Variants in TRMU observed in about 807,000 individuals in gnomAD.
TRMU encodes mitochondrial tRNA-specific 2-thiouridylase 1.
Under a neutral mutation model 46.9 loss-of-function variants are expected in TRMU, and 49 were observed. That is an observed-to-expected ratio of 1.05 (90% confidence interval 0.83 to 1.33). The LOEUF is 1.33. Among genes scored for constraint, TRMU ranks in the 40% most tolerant of loss-of-function variants. TRMU has a pLI of 0.00. For missense variants in TRMU, 572 were observed against 532.4 expected, an observed-to-expected ratio of 1.07 and a Z score of -0.73; for synonymous variants, 241 against 200.9, an observed-to-expected ratio of 1.20 and a Z score of -1.69.
intron 3 of TRMU, among the ~76,000 whole-genome samples, chr22:46,345,671 C>T (rs915813912): frequency 9.9e-5 from 15 of 152,118 alleles, no homozygotes; most frequent in Admixed American, 1.3e-4. Flanking sequence ...GGCATTTTCC[C>T]GTGTTAGTAA....
intron 3 of TRMU, among the ~76,000 whole-genome samples, chr22:46,345,775 T>C (rs1031422274): frequency 1.3e-5 from 2 of 151,696 alleles, no homozygotes; most frequent in Non-Finnish European, 2.9e-5. Flanking sequence ...TTTTTTTTTT[T>C]TTTTCCTCCT....
chr22:46,352,134 G>GT lies in TRMU; in HGVS notation c.668dup (p.Ile224HisfsTer7). ...TTCTCATTTCAGAGCATGGGCATGT[G>GT]TTTCATCGGGAAGAGGAATTTTGAA... On this transcript the variant is annotated frameshift_variant, in exon 6 of 11. Transcript: ENST00000645190. LOFTEE classifies it high-confidence loss of function. 1 of 1,613,654 alleles carries GT rather than the reference G, an allele frequency of 6.2e-7. No individual in the cohort carries two copies. The highest frequency in any genetic ancestry group is 8.5e-7 in the Non-Finnish European group (1 of 1,180,034).
rs999504204 is a variant in TRMU at position 46,351,273 on chromosome 22, C to T, written c.651+810C>T. Among the ~76,000 whole-genome samples, 6 of 152,156 alleles carry T rather than the reference C, an allele frequency of 3.9e-5. No homozygotes were observed. The highest frequency in any genetic ancestry group is 1.2e-4 in the African/African-American group (5 of 41,420). On this transcript the variant is annotated intron_variant, in intron 5 of 10. Coordinates refer to ENST00000645190, the MANE Select transcript of TRMU (RefSeq NM_018006.5). This position sits in a 1 kb window ranked among gnomAD's most constrained non-coding sequence, Gnocchi z 6.4. Reference sequence around the variant, plus strand: ...GCCCCAGCTCCTCAGGAGGATCGAGCGCACCCAGGAGTTTGAGGACAGCCT... The same window carrying T: ...GCCCCAGCTCCTCAGGAGGATCGAGTGCACCCAGGAGTTTGAGGACAGCCT...
intron 8 of TRMU, chr22:46,355,002 G>T: frequency 4.2e-6 from 1 of 235,350 alleles, no homozygotes; most frequent in Non-Finnish European, 8.5e-6. Flanking sequence ...TTTCTCCTCA[G>T]CCATTTGGTG....
intron 7 of TRMU, chr22:46,353,408 C>T (rs967619872): frequency 3.2e-5 from 11 of 341,306 alleles, no homozygotes; most frequent in Admixed American, 1.2e-4. Context: ...ACTGTGAAGA[C>T]GTGCAGCTAT....
In TRMU at chr22:46,335,778, G is replaced by A. The variant is rs568649964; in HGVS notation, c.14G>A (p.Arg5Gln). 1 of 1,554,142 alleles carries A rather than the reference G, an allele frequency of 6.4e-7. No homozygotes were observed. ...GGCGACTGGCGGATGCAGGCCTTGC[G>A]GCACGTCGTGTGCGCCCTGTCCGGC... MQALRHVVCALSGGV... is the reference protein window; with the variant it reads MQALQHVVCALSGGV... The change falls in exon 1 of 11, where the codon CGG (arginine) becomes CAG (glutamine). Residue 5 changes from arginine to glutamine, a missense_variant. Transcript: ENST00000645190.
intron 8 of TRMU, 96 bp from the exon 9 acceptor site, chr22:46,355,348 T>C (rs1268416758): frequency 2.0e-6 from 3 of 1,522,252 alleles, no homozygotes; most frequent in Non-Finnish European, 2.7e-6. Context: ...TGTGTGTGTG[T>C]GTGCTGGTAG....
intron 8 of TRMU, chr22:46,355,219 T>C (rs2078561117): frequency 1.5e-6 from 1 of 652,878 alleles, no homozygotes; most frequent in South Asian, 1.8e-5. Context: ...CACTCTGACA[T>C]GGTACTTCCT....
At position 46,357,169 on chromosome 22, in the gene TRMU, A is replaced by G. The variant is rs2078639588; in HGVS notation, c.*163A>G. 1 of 929,966 alleles carries G rather than the reference A, an allele frequency of 1.1e-6. No homozygotes were observed. Among genetic ancestry groups the G allele is most frequent in the African/African-American group, 1.6e-5 (1 of 60,898 alleles). 57.6% of individuals were successfully genotyped at this position (929,966 alleles called of 1,614,324 possible). Reference sequence around the variant, plus strand: ...TGCAGGGGCCCGGCGAGCCCCAGGAAGAGCCTCAGCTCCAGGCTGGGGCTC... The same window carrying G: ...TGCAGGGGCCCGGCGAGCCCCAGGAGGAGCCTCAGCTCCAGGCTGGGGCTC... On this transcript the variant is annotated 3_prime_UTR_variant, in exon 11 of 11. Coordinates refer to ENST00000645190, the MANE Select transcript of TRMU (RefSeq NM_018006.5).
At chr22:46,352,679 C>G (rs2078468644) in intron 7 of TRMU, 2 of 390,262 alleles carry the variant, frequency 5.1e-6, no homozygotes, top group Admixed American at 3.6e-5. Flanking sequence ...CACTCTGATT[C>G]AGGGAGTAAG....
rs767544821 is a variant in TRMU at position 46,346,384 on chromosome 22, G to A, written c.356-38G>A. The A allele has an allele frequency of 2.5e-6, 4 of 1,605,612 alleles. No homozygotes were observed. The Admixed American group carries it at 6.7e-5, about 27-fold the overall frequency. ...TGCTGATCAAGGCCTGCAAGTATGA[G>A]TCTAAAACCTGATCCTTGTGTTCTA... is the stretch of plus-strand genomic sequence containing the variant. On this transcript the variant is annotated intron_variant, in intron 3 of 10. Transcript: ENST00000645190.
rs1276536715 is a variant in TRMU, at chr22:46,357,301, GC to G, written c.*296del. The G allele has an allele frequency of 1.9e-6, 1 of 525,686 alleles. No homozygotes were observed. Among genetic ancestry groups the G allele is most frequent in the East Asian group, 3.4e-5 (1 of 29,072 alleles). The allele number at this position is 525,686 out of a possible 1,614,324, so 32.6% of individuals were successfully genotyped here. A position where few individuals can be genotyped will look rare whatever the true frequency, so the allele number is the denominator to read the frequency against. The stretch of plus-strand genomic sequence containing the variant: ...TACACCGAGGGGACCTGCAGAGGGG[GC>G]TGTCGGGACAGCGTGGAATAAACAT... On this transcript the variant is annotated 3_prime_UTR_variant, in exon 11 of 11. Coordinates refer to ENST00000645190, the MANE Select transcript of TRMU (RefSeq NM_018006.5).
At chr22:46,355,664 G>A in intron 9 of TRMU, 76 bp downstream of exon 9, 1 of 1,604,602 alleles carries the variant, frequency 6.2e-7, no homozygotes, top group South Asian at 1.1e-5. Context: ...GCCAGGGATG[G>A]GAGACCCTGG....
intron 3 of TRMU, 149 bp downstream of exon 3, chr22:46,343,517 C>T: frequency 1.5e-6 from 1 of 664,258 alleles, no homozygotes; most frequent in South Asian, 1.8e-5. Context: ...TCCTGAGTAG[C>T]TTGGACCACA....
At chr22:46,352,062 G>T in intron 5 of TRMU, 59 bp from the exon 6 acceptor site, 8 of 1,594,048 alleles carry the variant, frequency 5.0e-6, no homozygotes, top group Non-Finnish European at 6.9e-6. Flanking sequence ...GGACGTCTGG[G>T]TACAGCTTGG....
chr22:46,350,222 G>A lies in TRMU; in HGVS notation c.479-69G>A, dbSNP rs2078373469. On this transcript the variant is annotated intron_variant, in intron 4 of 10. Coordinates refer to ENST00000645190, the MANE Select transcript of TRMU (RefSeq NM_018006.5). The surrounding 1 kb of genome is among the most constrained non-coding windows in gnomAD (Gnocchi z 4.6). ...GGGTAGTCTGTCTAAGTGAACAGAA[G>A]GACATTGTTGAAAGTGAAGTATCAT... The A allele has an allele frequency of 1.3e-6, 2 of 1,593,658 alleles. No homozygotes were observed. Among genetic ancestry groups the A allele is most frequent in the African/African-American group, 1.3e-5 (1 of 74,546 alleles).
chr22:46,355,747 G>A, intron 9 of TRMU, 159 bp downstream of exon 9: 4 of 1,322,378 alleles, frequency 3.0e-6, no homozygotes, highest in Non-Finnish European at 4.2e-6. Flanking sequence ...TCCTGTGCCT[G>A]CCCTGAGCGA....
chr22:46,356,958 C>T lies in TRMU; in HGVS notation c.1218C>T (p.Ser406=), dbSNP rs754239335. Residue 406 remains serine (S), a synonymous_variant, in exon 11 of 11, where the codon AGC becomes AGT. Coordinates refer to ENST00000645190, the MANE Select transcript of TRMU (RefSeq NM_018006.5). ...GCAGAGCTGGGATGGCCACTGAGAG[C>T]CCCAGTGACAGCCCAGAAGATGGTC... ...GQRRAGMATE[S]PSDSPEDGPG... is the part of the protein sequence containing the mutation. 98 of 1,613,456 alleles carry T rather than the reference C, an allele frequency of 6.1e-5. No homozygotes were observed. The highest frequency in any genetic ancestry group is 3.3e-4 in the Middle Eastern group (2 of 6,084).
In TRMU at chr22:46,351,875, T is replaced by G; in HGVS notation, c.652-246T>G. The G allele has an allele frequency of 3.4e-6, 2 of 596,266 alleles. No individual in the cohort carries two copies. The highest frequency in any genetic ancestry group is 3.0e-6 in the Non-Finnish European group (1 of 331,992). 36.9% of individuals were successfully genotyped at this position (596,266 alleles called of 1,614,324 possible). A position where few individuals can be genotyped will look rare whatever the true frequency, so the allele number is the denominator to read the frequency against. ...CTGCTTTCTTCCCCGGGGCAGCTGG[T>G]GTGAGGGTCTCCCGCGCAGGGTCAG... On this transcript the variant is annotated intron_variant, in intron 5 of 10. Transcript: ENST00000645190. The surrounding 1 kb of genome is among the most constrained non-coding windows in gnomAD (Gnocchi z 6.4).
Sources: gnomAD v4.1 joint callset for allele counts (sites outside exome capture counted in the v4.1 genomes callset) on GRCh38, gnomAD v4.1.1 for gene constraint, Gnocchi (gnomAD v3.1) non-coding constraint, MANE v1.5 for transcripts, NCBI Gene and HGNC (gene_info 2026-07-23, HGNC 2026-07-21) for gene names.